The following MARK2 variants were observed in gnomAD, a reference collection of about 807,000 sequenced individuals.
MARK2 encodes serine/threonine-protein kinase MARK2.
MARK2 carries 16 observed loss-of-function variants against 89.8 expected under a neutral mutation model. The observed-to-expected ratio is 0.18, with a 90% CI of 0.12 to 0.27. The LOEUF is 0.27. Ranked by LOEUF, MARK2 falls within the 10% of genes least tolerant of loss-of-function variation. The pLI, the probability that MARK2 is intolerant of heterozygous loss-of-function variation, is 1.00. For synonymous variants in MARK2, 382 were observed against 399.5 expected, an observed-to-expected ratio of 0.96 and a Z score of 0.52; for missense variants, 621 against 1,049.9, an observed-to-expected ratio of 0.59 and a Z score of 5.65.
intron 1 of MARK2, among the ~76,000 whole-genome samples, chr11:63,869,785 G>T (rs953005530): frequency 6.6e-6 from 1 of 152,212 alleles, no homozygotes; most frequent in Non-Finnish European, 1.5e-5. Context: ...TAGGCAGGTT[G>T]TCTTGACATA....
chr11:63,904,658 T>C lies in MARK2; in HGVS notation c.1677-128T>C. 2 of 756,034 alleles carry C rather than the reference T, an allele frequency of 2.6e-6. No individual in the cohort carries two copies. The highest frequency in any genetic ancestry group is 4.7e-6 in the Non-Finnish European group (2 of 429,916). 46.8% of individuals were successfully genotyped at this position (756,034 alleles called of 1,614,324 possible). A position where few individuals can be genotyped will look rare whatever the true frequency, so the allele number is the denominator to read the frequency against. Reference sequence around the variant, plus strand: ...CTCAGTAGTCACACCCTTCCTTCTGTGTCCTCGTGATGGCTGCCTCTGCCC... The same window carrying C: ...CTCAGTAGTCACACCCTTCCTTCTGCGTCCTCGTGATGGCTGCCTCTGCCC... On this transcript the variant is annotated intron_variant, in intron 15 of 18. Transcript: ENST00000402010. The surrounding 1 kb of genome is among the most constrained non-coding windows in gnomAD (Gnocchi z 6.3).
chr11:63,901,720 G>A (rs1046223609), intron 11 of MARK2, among the ~76,000 whole-genome samples: 1 of 151,490 alleles, frequency 6.6e-6, no homozygotes, highest in Non-Finnish European at 1.5e-5. Context: ...GTGTGTGTGT[G>A]TGTATGTGTC....
chr11:63,900,430 C>G lies in MARK2; in HGVS notation c.769-129C>G, dbSNP rs1242685072. 1 of 1,123,446 alleles carries G rather than the reference C, an allele frequency of 8.9e-7. No individual in the cohort carries two copies. The highest frequency in any genetic ancestry group is 2.4e-5 in the East Asian group (1 of 42,516). The allele number at this position is 1,123,446 out of a possible 1,614,324, so 69.6% of individuals were successfully genotyped here. On this transcript the variant is annotated intron_variant, in intron 8 of 18. Coordinates refer to ENST00000402010, the MANE Select transcript of MARK2 (RefSeq NM_001039469.3). The surrounding 1 kb of genome is among the most constrained non-coding windows in gnomAD (Gnocchi z 4.7). Reference sequence around the variant, plus strand: ...TCTGGTGAGGTGTCTTGTCCCCAGGCTGTCTGCCTTCTTCCATATTTCATT... The same window carrying G: ...TCTGGTGAGGTGTCTTGTCCCCAGGGTGTCTGCCTTCTTCCATATTTCATT...
chr11:63,899,504 GCA>G, intron 7 of MARK2, among the ~76,000 whole-genome samples: 1 of 152,302 alleles, frequency 6.6e-6, no homozygotes, highest in Non-Finnish European at 1.5e-5. Flanking sequence ...TTGCAGGCAG[GCA>G]CACACATACC....
intron 1 of MARK2, chr11:63,888,755 C>T (rs1020982164): frequency 1.6e-5 from 19 of 1,213,240 alleles, no homozygotes; most frequent in Admixed American, 3.2e-5. Context: ...AGGAACCGCT[C>T]GGCCTGGCTG....
chr11:63,856,315 TTTTTTG>T (rs1178578562), intron 1 of MARK2, among the ~76,000 whole-genome samples: 1 of 103,614 alleles, frequency 9.7e-6, no homozygotes, highest in Non-Finnish European at 2.1e-5. Context: ...TGGGTTTTTT[TTTTTTG>T]TTTTTTTTTT....
chr11:63,839,635 C>T (rs968023597), intron 1 of MARK2, 75 bp downstream of exon 1: 7 of 949,852 alleles, frequency 7.4e-6, no homozygotes, highest in African/African-American at 1.7e-5. Context: ...CCCTCTTCTG[C>T]TCTCCTCGTG....
intron 1 of MARK2, among the ~76,000 whole-genome samples, chr11:63,883,217 G>T (rs1307609627): frequency 6.6e-6 from 1 of 152,150 alleles, no homozygotes; most frequent in Admixed American, 6.5e-5. Context: ...ACCCTGGCAG[G>T]ACCACTGTCG....
At chr11:63,880,512 G>C (rs1255134280) in intron 1 of MARK2, among the ~76,000 whole-genome samples, 1 of 152,150 alleles carries the variant, frequency 6.6e-6, no homozygotes, top group African/African-American at 2.4e-5. Context: ...GTCCCCAATT[G>C]GTAGCTCTTA....
intron 3 of MARK2, among the ~76,000 whole-genome samples, chr11:63,895,870 A>G (rs1940353364): frequency 6.6e-6 from 1 of 151,852 alleles, no homozygotes; most frequent in Non-Finnish European, 1.5e-5. Context: ...GGGTTTCACC[A>G]TGGTAGCCAG....
rs1406835403 is a variant in MARK2 at position 63,895,055 on chromosome 11, C to G, written c.55-104C>G. On this transcript the variant is annotated intron_variant, in intron 1 of 18. Transcript: ENST00000402010. Reference sequence around the variant, plus strand: ...ATCATTCTTCACATGCCTACCAGCCCCCTGGAATCTGCCCCTGCACCCTCA... The same window carrying G: ...ATCATTCTTCACATGCCTACCAGCCGCCTGGAATCTGCCCCTGCACCCTCA... 4.6e-6 allele frequency: 4 copies of G among 868,818 alleles called. No homozygotes were observed. In the African/African-American group the frequency reaches 6.8e-5, roughly 15 times the overall value. The allele number at this position is 868,818 out of a possible 1,614,324, so 53.8% of individuals were successfully genotyped here.
At chr11:63,842,924 G>A in intron 1 of MARK2, among the ~76,000 whole-genome samples, 1 of 151,800 alleles carries the variant, frequency 6.6e-6, no homozygotes, top group East Asian at 1.9e-4. Context: ...CACTGAAAAT[G>A]TTGAAGCATA....
intron 1 of MARK2, among the ~76,000 whole-genome samples, chr11:63,843,727 G>A (rs1268789633): frequency 1.3e-5 from 2 of 151,898 alleles, no homozygotes; most frequent in Non-Finnish European, 2.9e-5. Flanking sequence ...CGGGTCAAGC[G>A]ATTCTCCTGC....
At chr11:63,863,760 C>T (rs1292244955) in intron 1 of MARK2, among the ~76,000 whole-genome samples, 1 of 150,874 alleles carries the variant, frequency 6.6e-6, no homozygotes, top group Non-Finnish European at 1.5e-5. Flanking sequence ...CACTGTGCCC[C>T]CCCGCCCCAC....
Position 63,903,784 on chromosome 11 carries a change from C to T in MARK2, c.1515-202C>T, listed in dbSNP as rs1332296331. ...CCTCTTCCCAGGCACTGACCCACCT[C>T]GCTGCTTCCCGACCTCACTCACCTC... On this transcript the variant is annotated intron_variant, in intron 14 of 18. Transcript: ENST00000402010. This position sits in a 1 kb window ranked among gnomAD's most constrained non-coding sequence, Gnocchi z 5.1. Among the ~76,000 whole-genome samples the T allele has an allele frequency of 6.6e-6, 1 of 152,222 alleles. No homozygotes were observed. Among genetic ancestry groups the T allele is most frequent in the Middle Eastern group, 3.4e-3 (1 of 294 alleles).
chr11:63,901,111 C>A, intron 11 of MARK2, 42 bp downstream of exon 11: 1 of 1,296,074 alleles, frequency 7.7e-7, no homozygotes, highest in Non-Finnish European at 1.1e-6. Flanking sequence ...GCCAGCCTCA[C>A]TGTCTGTAGC....
intron 16 of MARK2, among the ~76,000 whole-genome samples, chr11:63,905,301 G>A (rs1279143338): frequency 6.6e-6 from 1 of 152,130 alleles, no homozygotes; most frequent in Non-Finnish European, 1.5e-5. Context: ...GGCCGATGCC[G>A]CCTCCTCTCT....
At chr11:63,859,333 TC>T (rs558950625) in intron 1 of MARK2, among the ~76,000 whole-genome samples, 171 of 151,512 alleles carry the variant, frequency 1.1e-3, no homozygotes, top group African/African-American at 3.6e-3. Context: ...TTTTTTTTTT[TC>T]CCCGAGAAGG....
At chr11:63,886,473 G>A (rs1328784214) in intron 1 of MARK2, among the ~76,000 whole-genome samples, 1 of 151,838 alleles carries the variant, frequency 6.6e-6, no homozygotes, top group Non-Finnish European at 1.5e-5. Context: ...TGCCCAGGCT[G>A]GAGTGCAGTG....
Sources: gnomAD v4.1 joint callset for allele counts (sites outside exome capture counted in the v4.1 genomes callset) on GRCh38, gnomAD v4.1.1 for gene constraint, Gnocchi (gnomAD v3.1) non-coding constraint, MANE v1.5 for transcripts, NCBI Gene and HGNC (gene_info 2026-07-23, HGNC 2026-07-21) for gene names.